ADARB1: variants seen among roughly 807,000 people sequenced by gnomAD.
ADARB1 encodes double-stranded RNA-specific editase 1.
In ADARB1, 10 loss-of-function variants were observed where a neutral mutation model predicts 52.4. That is an observed-to-expected ratio of 0.19 (90% confidence interval 0.12 to 0.32). The LOEUF (loss-of-function observed/expected upper bound fraction) is 0.32, where lower values mean the gene tolerates loss of function less well. ADARB1 is among the 10% of genes least tolerant of loss of function. ADARB1 has a pLI of 1.00. For synonymous variants in ADARB1, 349 were observed against 371.1 expected (o/e 0.94, Z 0.68); for missense variants, 643 against 922.3 (o/e 0.70, Z 3.92).
In ADARB1 at chr21:45,134,758, G is replaced by A. The variant is rs367651244; in HGVS notation, c.-48+6185G>A. On this transcript the variant is annotated intron_variant, in intron 2 of 10. Coordinates refer to ENST00000348831, the MANE Select transcript of ADARB1 (RefSeq NM_001112.4). ...ATGAGCACACCCTCATTCATCCAGC[G>A]AGCATTGAGGACCCCCTAGAGGCCA... The A allele has an allele frequency of 1.3e-4, 70 of 532,158 alleles. 1 individual carries two copies. Among genetic ancestry groups the A allele is most frequent in the South Asian group, 8.7e-4 (62 of 71,424 alleles). 33.0% of individuals were successfully genotyped at this position (532,158 alleles called of 1,614,324 possible). A position where few individuals can be genotyped will look rare whatever the true frequency, so the allele number is the denominator to read the frequency against.
At chr21:45,096,780 G>C (rs911496525) in intron 1 of ADARB1, among the ~76,000 whole-genome samples, 1 of 152,190 alleles carries the variant, frequency 6.6e-6, no homozygotes, top group African/African-American at 2.4e-5. Context: ...TTTTGAGACA[G>C]AGTCTGTCTC....
intron 9 of ADARB1, among the ~76,000 whole-genome samples, chr21:45,205,800 T>C (rs1368386125): frequency 6.6e-6 from 1 of 152,202 alleles, no homozygotes. Context: ...TTTTAAAAGC[T>C]CAAAACTAAA....
chr21:45,110,435 G>T (rs935056205), intron 1 of ADARB1, among the ~76,000 whole-genome samples: 1 of 152,172 alleles, frequency 6.6e-6, no homozygotes, highest in South Asian at 2.1e-4. Context: ...CTTGGGGACC[G>T]CGTTGTCAAA....
chr21:45,074,617 G>GGCGGCAGCGGCGGCC lies in ADARB1; in HGVS notation c.-395_-381dup, dbSNP rs2085834392. On this transcript the variant is annotated 5_prime_UTR_variant, in exon 1 of 11. Coordinates refer to ENST00000348831, the MANE Select transcript of ADARB1 (RefSeq NM_001112.4). ...CGGCCGTGGCGGCGGCGGCGGCGGCGGCGGCAGCGGCGGCCAAGCGGCCAG... is the reference window on the plus strand; with the variant it reads ...CGGCCGTGGCGGCGGCGGCGGCGGCGGCGGCAGCGGCGGCCGCGGCAGCGGCGGCCAAGCGGCCAG... 6.7e-6 allele frequency: 1 copy of GGCGGCAGCGGCGGCC among 149,514 alleles called. No homozygotes were observed. The highest frequency in any genetic ancestry group is 1.9e-4 in the East Asian group (1 of 5,172). 9.3% of individuals were successfully genotyped at this position (149,514 alleles called of 1,614,324 possible).
chr21:45,183,341 T>C, intron 6 of ADARB1, 21 bp from the exon 7 acceptor site: 1 of 1,591,676 alleles, frequency 6.3e-7, no homozygotes, highest in Non-Finnish European at 8.5e-7. Context: ...AATGTTACTT[T>C]TGCAACTTTT....
rs9975551 is a variant in ADARB1 at position 45,171,793 on chromosome 21, C to A, written c.28+109C>A. The A allele has an allele frequency of 9.3e-3, 9,440 of 1,009,636 alleles. 176 individuals carry two copies. Among genetic ancestry groups the A allele is most frequent in the African/African-American group, 0.064 (3,803 of 59,762 alleles). The allele number at this position is 1,009,636 out of a possible 1,614,324, so 62.5% of individuals were successfully genotyped here. ...CCAGTGTGGGGATTGTGTTTTTTCC[C>A]GTAACATCTTCTACTGACAGTGGCA... On this transcript the variant is annotated intron_variant, in intron 3 of 10. Transcript: ENST00000348831.
intron 1 of ADARB1, among the ~76,000 whole-genome samples, chr21:45,085,523 A>G (rs1344927150): frequency 6.6e-6 from 1 of 152,240 alleles, no homozygotes; most frequent in Non-Finnish European, 1.5e-5. Context: ...TCTCGATATG[A>G]ATGAAAGTAG....
intron 2 of ADARB1, among the ~76,000 whole-genome samples, chr21:45,135,459 CAG>C (rs1306663671): frequency 6.6e-6 from 1 of 152,214 alleles, no homozygotes; most frequent in Non-Finnish European, 1.5e-5. Flanking sequence ...TCAGAGGACT[CAG>C]TGATTTAAGA....
intron 1 of ADARB1, among the ~76,000 whole-genome samples, chr21:45,114,166 G>T (rs1350295754): frequency 2.6e-5 from 4 of 152,214 alleles, no homozygotes; most frequent in Non-Finnish European, 5.9e-5. Flanking sequence ...AAGGCTTGGA[G>T]GTTGTTTTGG....
In ADARB1 at chr21:45,221,042, C is replaced by T. The variant is rs2092955991; in HGVS notation, c.1926+28C>T. ...ACTGAGGCGCCCTCACCGCAATGCG[C>T]CGGCTCCACCTCCCCAATAGCTTGT... On this transcript the variant is annotated intron_variant, in intron 10 of 10. Transcript: ENST00000348831. This position sits in a 1 kb window ranked among gnomAD's most constrained non-coding sequence, Gnocchi z 4.9. The T allele has an allele frequency of 6.3e-7, 1 of 1,578,646 alleles. No individual in the cohort carries two copies. Among genetic ancestry groups the T allele is most frequent in the East Asian group, 2.3e-5 (1 of 43,634 alleles).
At chr21:45,115,900 T>C (rs2087797503) in intron 1 of ADARB1, among the ~76,000 whole-genome samples, 1 of 152,224 alleles carries the variant, frequency 6.6e-6, no homozygotes, top group Non-Finnish European at 1.5e-5. Context: ...GTAGGGATGC[T>C]TGCTCATCTT....
At chr21:45,127,190 G>A (rs2088638723) in intron 1 of ADARB1, among the ~76,000 whole-genome samples, 1 of 152,134 alleles carries the variant, frequency 6.6e-6, no homozygotes, top group Non-Finnish European at 1.5e-5. Flanking sequence ...TGGAGGCAAC[G>A]CTGAAGGTCA....
intron 1 of ADARB1, among the ~76,000 whole-genome samples, chr21:45,076,290 G>C (rs2085932272): frequency 1.3e-5 from 2 of 152,244 alleles, no homozygotes; most frequent in South Asian, 4.1e-4. Context: ...ACAGGGTCCA[G>C]TATGCATGGA....
At chr21:45,093,468 G>A (rs763853189) in intron 1 of ADARB1, among the ~76,000 whole-genome samples, 15 of 152,196 alleles carry the variant, frequency 9.9e-5, no homozygotes, top group Non-Finnish European at 1.9e-4. Context: ...TGTGGGTGCC[G>A]AGCCCTCTGG....
At chr21:45,102,729 T>A (rs891310053) in intron 1 of ADARB1, among the ~76,000 whole-genome samples, 1 of 152,206 alleles carries the variant, frequency 6.6e-6, no homozygotes, top group Admixed American at 6.5e-5. Context: ...CAGACTGACA[T>A]AAATAAATGA....
At chr21:45,162,760 A>G (rs1392617538) in intron 2 of ADARB1, among the ~76,000 whole-genome samples, 2 of 152,184 alleles carry the variant, frequency 1.3e-5, no homozygotes, top group Admixed American at 6.5e-5. Context: ...TGCTCCGCCT[A>G]TAGAACCACA....
At chr21:45,089,906 A>C (rs965761654) in intron 1 of ADARB1, among the ~76,000 whole-genome samples, 9 of 152,154 alleles carry the variant, frequency 5.9e-5, no homozygotes, top group Non-Finnish European at 1.2e-4. Context: ...TAAGCTTTGT[A>C]CTTCCCCTGT....
In ADARB1 at chr21:45,221,654, A is replaced by G. The variant is rs1422739918; in HGVS notation, c.1927-364A>G. ...CCACACAGAAGGAGTTACTGGCCGC[A>G]TGAGGGAAGGCCTCCGAGGTCATCA... On this transcript the variant is annotated intron_variant, in intron 10 of 10. Coordinates refer to ENST00000348831, the MANE Select transcript of ADARB1 (RefSeq NM_001112.4). The surrounding 1 kb of genome is among the most constrained non-coding windows in gnomAD (Gnocchi z 4.9). Among the ~76,000 whole-genome samples, 2 of 152,206 alleles carry G rather than the reference A, an allele frequency of 1.3e-5. No individual in the cohort carries two copies. Among genetic ancestry groups the G allele is most frequent in the Non-Finnish European group, 2.9e-5 (2 of 68,020 alleles).
intron 8 of ADARB1, among the ~76,000 whole-genome samples, chr21:45,188,613 G>T (rs67965418): frequency 1.5e-3 from 54 of 36,240 alleles, no homozygotes; most frequent in African/African-American, 3.6e-3. Flanking sequence ...TAGTTGAATT[G>T]TTTTTTTTTT....
Sources: allele counts gnomAD v4.1 joint callset (sites outside exome capture counted in the v4.1 genomes callset), GRCh38; gene constraint gnomAD v4.1.1; non-coding constraint Gnocchi (gnomAD v3.1); transcripts MANE v1.5; gene names NCBI Gene and HGNC (gene_info 2026-07-23, HGNC 2026-07-21).